Variants in P2RX4 observed in about 807,000 individuals in gnomAD.
P2RX4 encodes the protein P2X purinoceptor 4.
P2RX4 carries 37 observed loss-of-function variants against 48.0 expected under a neutral mutation model. The observed-to-expected ratio is 0.77, with a 90% CI of 0.59 to 1.01. The LOEUF is 1.01. Among genes scored for constraint, P2RX4 ranks in the 50% least tolerant of loss-of-function variants. P2RX4 has a pLI of 0.00. For synonymous variants in P2RX4, 200 were observed against 199.7 expected, an observed-to-expected ratio of 1.00 and a Z score of -0.01; for missense variants, 501 against 521.4, an observed-to-expected ratio of 0.96 and a Z score of 0.38.
chr12:121,221,196 G>T (rs952988853), intron 2 of P2RX4, among the ~76,000 whole-genome samples: 19 of 94,548 alleles, frequency 2.0e-4, no homozygotes, highest in East Asian at 8.2e-4. Context: ...GTGTGTGTGT[G>T]TTTTTAGTAC....
At chr12:121,212,124 A>G (rs553764472) in intron 1 of P2RX4, among the ~76,000 whole-genome samples, 1 of 152,340 alleles carries the variant, frequency 6.6e-6, no homozygotes, top group South Asian at 2.1e-4. Flanking sequence ...TTTAAAAGTA[A>G]CAGATCCCCC....
At chr12:121,219,819 T>C (rs1886480439) in intron 2 of P2RX4, among the ~76,000 whole-genome samples, 1 of 137,006 alleles carries the variant, frequency 7.3e-6, no homozygotes, top group Non-Finnish European at 1.6e-5. Flanking sequence ...ATGATAGATA[T>C]AGGATAGATT....
chr12:121,221,688 C>T lies in P2RX4; in HGVS notation c.283-225C>T, dbSNP rs547575300. On this transcript the variant is annotated intron_variant, in intron 2 of 11. Transcript: ENST00000337233. ...GATTACAGGCTTGAGCCACCGCGCC[C>T]GACCTGTTTCCACCTTTTGGCTCTT... Among the ~76,000 whole-genome samples the T allele has an allele frequency of 2.2e-4, 34 of 152,278 alleles. No individual in the cohort carries two copies. In the South Asian group the frequency reaches 6.0e-3, roughly 27 times the overall value.
chr12:121,222,840 C>A, intron 4 of P2RX4, 107 bp from the exon 5 acceptor site: 1 of 1,446,498 alleles, frequency 6.9e-7, no homozygotes, highest in Non-Finnish European at 9.5e-7. Flanking sequence ...CAGCTCAAGA[C>A]TGGCTGCATG....
chr12:121,229,373 G>A lies in P2RX4; in HGVS notation c.884+274G>A, dbSNP rs1887203708. Among the ~76,000 whole-genome samples, 2 of 152,176 alleles carry A rather than the reference G, an allele frequency of 1.3e-5. No homozygotes were observed. Among genetic ancestry groups the A allele is most frequent in the African/African-American group, 2.4e-5 (1 of 41,442 alleles). ...CTTAGAGCAGCCAGGAGAAGCTGGG[G>A]GCTTAAGCTTTCCAGCACCTGCCTC... On this transcript the variant is annotated intron_variant, in intron 8 of 11. Transcript: ENST00000337233. This position sits in a 1 kb window ranked among gnomAD's most constrained non-coding sequence, Gnocchi z 4.6.
chr12:121,220,981 T>C (rs1376427612), intron 2 of P2RX4, among the ~76,000 whole-genome samples: 1 of 152,198 alleles, frequency 6.6e-6, no homozygotes, highest in African/African-American at 2.4e-5. Context: ...TCCTTTATTT[T>C]ATTTTTTGAG....
At chr12:121,219,611 GGATGGATAGATAGATA>G (rs1209256350) in intron 2 of P2RX4, among the ~76,000 whole-genome samples, 207 of 122,928 alleles carry the variant, frequency 1.7e-3, no homozygotes, top group African/African-American at 5.9e-3. Flanking sequence ...ATGGATGGAT[GGATGGATAGATAGATA>G]GATAGATAGA....
chr12:121,226,652 T>C (rs1208298142), intron 5 of P2RX4, among the ~76,000 whole-genome samples: 1 of 152,206 alleles, frequency 6.6e-6, no homozygotes, highest in Non-Finnish European at 1.5e-5. Context: ...ATGGTTAATT[T>C]TATGTTATGT....
chr12:121,232,881 A>T lies in P2RX4; in HGVS notation c.1045-116A>T. The T allele has an allele frequency of 1.1e-6, 1 of 889,274 alleles. No individual in the cohort carries two copies. The highest frequency in any genetic ancestry group is 1.9e-6 in the Non-Finnish European group (1 of 527,250). 55.1% of individuals were successfully genotyped at this position (889,274 alleles called of 1,614,324 possible). ...TCCCAGCCTTCTCCCAAGAGATGGG[A>T]GTGCCTTTCCATTCCGGTAAAGATT... On this transcript the variant is annotated intron_variant, in intron 10 of 11. Coordinates refer to ENST00000337233, the MANE Select transcript of P2RX4 (RefSeq NM_002560.3). The surrounding 1 kb of genome is among the most constrained non-coding windows in gnomAD (Gnocchi z 4.3).
chr12:121,222,316 C>T, intron 4 of P2RX4, 150 bp downstream of exon 4: 1 of 635,214 alleles, frequency 1.6e-6, no homozygotes, highest in Admixed American at 2.8e-5. Flanking sequence ...CCTCTACATT[C>T]ACTGCTGTCA....
intron 1 of P2RX4, chr12:121,216,813 A>G: frequency 1.6e-6 from 1 of 613,884 alleles, no homozygotes; most frequent in South Asian, 1.9e-5. Context: ...AGAGCGAAAC[A>G]TCGTCTCAAA....
At chr12:121,228,684 G>A (rs771374279) in intron 6 of P2RX4, 41 bp from the exon 7 acceptor site, 1 of 1,613,570 alleles carries the variant, frequency 6.2e-7, no homozygotes, top group South Asian at 1.1e-5. Flanking sequence ...TCTTCTCTGA[G>A]GTTTTCGTCG....
chr12:121,219,540 G>A (rs1886441353), intron 2 of P2RX4, among the ~76,000 whole-genome samples: 1 of 151,712 alleles, frequency 6.6e-6, no homozygotes. Flanking sequence ...GACCAGCCTG[G>A]GCAATATAGT....
intron 2 of P2RX4, among the ~76,000 whole-genome samples, chr12:121,219,594 T>C (rs1886447813): frequency 9.7e-6 from 1 of 103,276 alleles, no homozygotes; most frequent in African/African-American, 3.5e-5. Flanking sequence ...GATGGATGGA[T>C]GGATGGATGG....
intron 7 of P2RX4, 33 bp from the exon 8 acceptor site, chr12:121,228,930 A>C: frequency 6.2e-7 from 1 of 1,614,060 alleles, no homozygotes; most frequent in Non-Finnish European, 8.5e-7. Context: ...GTGCTGAGGA[A>C]AGCCTTGCCG....
chr12:121,222,105 G>T lies in P2RX4; in HGVS notation c.366G>T (p.Ala122=), dbSNP rs376264900. 1.2e-6 allele frequency: 2 copies of T among 1,611,134 alleles called. No homozygotes were observed. The highest frequency in any genetic ancestry group is 2.7e-5 in the African/African-American group (2 of 74,990). ...CCTTCTTTTTCCAGATTCCAGATGCGACCACTGTGTGTAAATCAGATGCCA... is the reference window on the plus strand; with the variant it reads ...CCTTCTTTTTCCAGATTCCAGATGCTACCACTGTGTGTAAATCAGATGCCA... ...TQGLCPEIPD[A]TTVCKSDASC... The change falls in exon 4 of 12, where the codon GCG becomes GCT. Residue 122 remains alanine (A), a synonymous_variant. Transcript: ENST00000337233.
chr12:121,227,598 C>A (rs1323567650), intron 5 of P2RX4, among the ~76,000 whole-genome samples: 1 of 152,200 alleles, frequency 6.6e-6, no homozygotes, highest in African/African-American at 2.4e-5. Context: ...CAAATCCCCT[C>A]CCTGGTTAGC....
rs1459699302 is a variant in P2RX4 at position 121,234,096 on chromosome 12, G to A, written c.*547G>A. On this transcript the variant is annotated 3_prime_UTR_variant, in exon 12 of 12. Transcript: ENST00000337233. ...GATCGAGGACCAGACATTAAAGCGTGATTTTCTTAATCCCTGTCTGTTGTC... is the reference window on the plus strand; with the variant it reads ...GATCGAGGACCAGACATTAAAGCGTAATTTTCTTAATCCCTGTCTGTTGTC... The A allele has an allele frequency of 2.5e-5, 4 of 158,054 alleles. No individual in the cohort carries two copies. The highest frequency in any genetic ancestry group is 5.6e-5 in the Non-Finnish European group (4 of 71,026). 9.8% of individuals were successfully genotyped at this position (158,054 alleles called of 1,614,324 possible). A position where few individuals can be genotyped will look rare whatever the true frequency, so the allele number is the denominator to read the frequency against.
chr12:121,210,281 C>T lies in P2RX4; in HGVS notation c.117C>T (p.Ile39=). 1 of 1,552,736 alleles carries T rather than the reference C, an allele frequency of 6.4e-7. No individual in the cohort carries two copies. The highest frequency in any genetic ancestry group is 1.4e-5 in the African/African-American group (1 of 70,336). The change falls in exon 1 of 12, where the codon ATC becomes ATT. Residue 39 remains isoleucine (I), a synonymous_variant. Transcript: ENST00000337233. ...GLMNRAVQLL[I]LAYVIGWVFV... Reference sequence around the variant, plus strand: ...TGAACCGCGCCGTGCAACTGCTCATCCTGGCCTACGTCATCGGGTGAGCGT... The same window carrying T: ...TGAACCGCGCCGTGCAACTGCTCATTCTGGCCTACGTCATCGGGTGAGCGT...
Sources: allele counts gnomAD v4.1 joint callset (sites outside exome capture counted in the v4.1 genomes callset), GRCh38; gene constraint gnomAD v4.1.1; non-coding constraint Gnocchi (gnomAD v3.1); transcripts MANE v1.5; gene names NCBI Gene and HGNC (gene_info 2026-07-23, HGNC 2026-07-21).